Variants in PI4KB observed in about 807,000 individuals in gnomAD.
PI4KB encodes phosphatidylinositol 4-kinase beta.
Under a neutral mutation model 81.4 loss-of-function variants are expected in PI4KB, and 23 were observed. The ratio of observed to expected loss-of-function variants is 0.28; its 90% CI spans 0.20 to 0.40. The LOEUF (loss-of-function observed/expected upper bound fraction) is 0.40. Among genes scored for constraint, PI4KB ranks in the 10% least tolerant of loss-of-function variants. The probability of loss-of-function intolerance (pLI) is 1.00; values close to 1 mark genes in which losing one functional copy is unlikely to be tolerated. For missense variants in PI4KB, 651 were observed against 1,036.6 expected (o/e 0.63, Z 5.11); for synonymous variants, 381 against 406.8 (o/e 0.94, Z 0.76).
At chr1:151,326,362 G>T (rs1017879276) in intron 1 of PI4KB, 1 of 589,500 alleles carries the variant, frequency 1.7e-6, no homozygotes, top group Non-Finnish European at 3.0e-6. Context: ...TTAGTTCAAG[G>T]TTTAGTTGAT....
At chr1:151,294,358 C>T in intron 10 of PI4KB, 51 bp downstream of exon 10, 1 of 1,598,036 alleles carries the variant, frequency 6.3e-7, no homozygotes, top group South Asian at 1.1e-5. Context: ...TCTCCCATGA[C>T]AGAGAAAGAA....
chr1:151,301,322 TCTC>T (rs1410080474), intron 8 of PI4KB, among the ~76,000 whole-genome samples: 1 of 151,982 alleles, frequency 6.6e-6, no homozygotes, highest in Non-Finnish European at 1.5e-5. Flanking sequence ...TTCAAGCTAT[TCTC>T]CTGCCTCAGC....
chr1:151,311,337 G>A (rs933312269), intron 2 of PI4KB, among the ~76,000 whole-genome samples: 11 of 152,192 alleles, frequency 7.2e-5, no homozygotes, highest in Admixed American at 2.0e-4. Context: ...GAGGGCAGTG[G>A]TGAGTTTCTA....
rs146732166 is a variant in PI4KB at position 151,302,995 on chromosome 1, G to A, written c.1520+546C>T. ...AAACTCCTTCCTCTGGTGCTTTCTTGTTTTTTTTTTTTTTTTTTTTTGAGA... is the reference window on the plus strand; with the variant it reads ...AAACTCCTTCCTCTGGTGCTTTCTTATTTTTTTTTTTTTTTTTTTTTGAGA... On this transcript the variant is annotated intron_variant, in intron 6 of 11. Coordinates refer to ENST00000368873, the MANE Select transcript of PI4KB (RefSeq NM_001369623.2). Among the ~76,000 whole-genome samples the A allele has an allele frequency of 3.7e-5, 4 of 107,136 alleles. No homozygotes were observed. In the Admixed American group the frequency reaches 3.9e-4, roughly 10 times the overall value. 70.3% of individuals were successfully genotyped at this position (107,136 alleles called of 152,430 possible).
chr1:151,312,624 T>A (rs1472694726), intron 2 of PI4KB, among the ~76,000 whole-genome samples: 1 of 151,992 alleles, frequency 6.6e-6, no homozygotes, highest in Non-Finnish European at 1.5e-5. Flanking sequence ...ACATGTTGAG[T>A]GAATGAATGT....
intron 9 of PI4KB, among the ~76,000 whole-genome samples, chr1:151,298,046 A>G (rs1694953085): frequency 6.6e-6 from 1 of 152,212 alleles, no homozygotes; most frequent in Non-Finnish European, 1.5e-5. Context: ...TTTGTACATT[A>G]TGTGCCTCAC....
rs745425649 is a variant in PI4KB, at chr1:151,307,794, C to T, written c.962G>A (p.Arg321Gln). 16 of 1,612,950 alleles carry T rather than the reference C, an allele frequency of 9.9e-6. No homozygotes were observed. Among genetic ancestry groups the T allele is most frequent in the South Asian group, 8.8e-5 (8 of 91,036 alleles). ...GATGAATTCTCTCTCAGGAGCCAGT[C>T]GAACAGGCTACAGGGGTTTGGGGTA... ...SIDNSFSSPV[R>Q]LAPEREFIKS... is the part of the protein sequence containing the mutation. Residue 321 changes from arginine (R) to glutamine (Q), a missense_variant, in exon 4 of 12, where the codon CGA becomes CAA. Physicochemically the swap from Arg to Gln is conservative, Grantham distance 43. Transcript: ENST00000368873.
At chr1:151,293,945 T>G (rs781695244) in intron 11 of PI4KB, 73 bp downstream of exon 11, 2 of 1,572,680 alleles carry the variant, frequency 1.3e-6, no homozygotes, top group Admixed American at 3.5e-5. Flanking sequence ...GGATCAGCTT[T>G]CTTATGCTCC....
chr1:151,326,112 T>C, intron 1 of PI4KB: 2 of 1,487,534 alleles, frequency 1.3e-6, no homozygotes, highest in South Asian at 1.1e-5. Context: ...GAAGGCACTC[T>C]ATTCTGTGAT....
At chr1:151,309,647 G>A (rs1696048112) in intron 3 of PI4KB, among the ~76,000 whole-genome samples, 1 of 152,094 alleles carries the variant, frequency 6.6e-6, no homozygotes, top group Admixed American at 6.5e-5. Context: ...GCTGGGAAAA[G>A]GGAAGAACTC....
Position 151,316,538 on chromosome 1 carries a change from A to G in PI4KB, c.-28-29T>C, listed in dbSNP as rs778615281. ...CAGGAAGAGGGAGGGAGAAAAGAACAGAAAGGGAGACACATACACACATTG... is the reference window on the plus strand; with the variant it reads ...CAGGAAGAGGGAGGGAGAAAAGAACGGAAAGGGAGACACATACACACATTG... On this transcript the variant is annotated intron_variant, in intron 1 of 11. Coordinates refer to ENST00000368873, the MANE Select transcript of PI4KB (RefSeq NM_001369623.2). 27 of 1,477,252 alleles carry G rather than the reference A, an allele frequency of 1.8e-5. No homozygotes were observed. The South Asian group carries it at 3.0e-4, about 17-fold the overall frequency. 91.5% of individuals were successfully genotyped at this position (1,477,252 alleles called of 1,614,324 possible). A position where few individuals can be genotyped will look rare whatever the true frequency, so the allele number is the denominator to read the frequency against.
At chr1:151,310,357 C>A in intron 2 of PI4KB, 102 bp from the exon 3 acceptor site, 1 of 749,946 alleles carries the variant, frequency 1.3e-6, no homozygotes, top group Middle Eastern at 2.6e-4. Context: ...GTAACTGCTT[C>A]TCTAGTGAAG....
At chr1:151,310,180 T>C (rs1696099310) in intron 3 of PI4KB, 31 bp downstream of exon 3, 3 of 1,562,920 alleles carry the variant, frequency 1.9e-6, no homozygotes, top group Non-Finnish European at 1.8e-6. Context: ...TGGGGGAGCC[T>C]GCCACCCCGT....
At chr1:151,321,037 G>T (rs1648774141) in intron 1 of PI4KB, among the ~76,000 whole-genome samples, 1 of 152,170 alleles carries the variant, frequency 6.6e-6, no homozygotes, top group Admixed American at 6.5e-5. Context: ...GGCAAATAAG[G>T]ATACTATCAC....
chr1:151,307,379 G>A (rs1780586), intron 4 of PI4KB, among the ~76,000 whole-genome samples, 195 bp downstream of exon 4: 19,173 of 152,106 alleles, frequency 0.13, 1,274 homozygotes, highest in Admixed American at 0.16. Context: ...GAAAAACAAA[G>A]CCCAAAAAGG....
chr1:151,310,305 G>T, intron 2 of PI4KB, 50 bp from the exon 3 acceptor site: 2 of 1,072,356 alleles, frequency 1.9e-6, no homozygotes, highest in East Asian at 2.4e-5. Flanking sequence ...GGGAAGGGAG[G>T]GGAGAGAGAC....
Position 151,324,513 on chromosome 1 carries a change from C to T in PI4KB, c.-29+2758G>A, listed in dbSNP as rs527822658. ...AGCCCTACCAGGATCCAGGTAACTGCTGACACAAGGGCCCAGAGAGTGTGG... is the reference window on the plus strand; with the variant it reads ...AGCCCTACCAGGATCCAGGTAACTGTTGACACAAGGGCCCAGAGAGTGTGG... On this transcript the variant is annotated intron_variant, in intron 1 of 11. Coordinates refer to ENST00000368873, the MANE Select transcript of PI4KB (RefSeq NM_001369623.2). Among the ~76,000 whole-genome samples, 3 of 152,274 alleles carry T rather than the reference C, an allele frequency of 2.0e-5. No homozygotes were observed. The East Asian group carries it at 5.8e-4, about 29-fold the overall frequency.
intron 3 of PI4KB, 66 bp from the exon 4 acceptor site, chr1:151,307,867 C>T: frequency 8.1e-7 from 1 of 1,228,760 alleles, no homozygotes; most frequent in Non-Finnish European, 1.2e-6. Context: ...CACACCCACT[C>T]AGTCACTCCT....
intron 3 of PI4KB, among the ~76,000 whole-genome samples, chr1:151,308,319 G>C (rs982694400): frequency 6.6e-6 from 1 of 152,212 alleles, no homozygotes; most frequent in Non-Finnish European, 1.5e-5. Flanking sequence ...GAAGATGCTC[G>C]TCATTCAAAT....
Sources: allele counts gnomAD v4.1 joint callset (sites outside exome capture counted in the v4.1 genomes callset), GRCh38; gene constraint gnomAD v4.1.1; transcripts MANE v1.5; gene names NCBI Gene and HGNC (gene_info 2026-07-23, HGNC 2026-07-21).